The following AKAP13 variants were observed in gnomAD, a reference collection of about 807,000 sequenced individuals.
AKAP13 encodes A-kinase anchoring protein 13.
Under a neutral mutation model 264.5 loss-of-function variants are expected in AKAP13, and 80 were observed. The observed-to-expected ratio is 0.30, with a 90% CI of 0.25 to 0.36. The LOEUF (loss-of-function observed/expected upper bound fraction) is 0.36, where lower values mean the gene tolerates loss of function less well. Ranked by LOEUF, AKAP13 falls within the 10% of genes least tolerant of loss-of-function variation. The pLI is 1.00. For synonymous variants in AKAP13, 1,380 were observed against 1,250.2 expected (o/e 1.10, Z -2.19); for missense variants, 3,712 against 3,435.2 (o/e 1.08, Z -2.01).
chr15:85,507,837 C>T (rs1480765007), intron 2 of AKAP13, among the ~76,000 whole-genome samples: 2 of 152,368 alleles, frequency 1.3e-5, no homozygotes, highest in East Asian at 1.9e-4. Context: ...TCCCACACAT[C>T]AGACTGGTGG....
At chr15:85,509,232 T>G (rs1045003718) in intron 2 of AKAP13, among the ~76,000 whole-genome samples, 1 of 152,226 alleles carries the variant, frequency 6.6e-6, no homozygotes, top group Non-Finnish European at 1.5e-5. Context: ...TGATTCTGAT[T>G]CTGTTTCCCA....
At chr15:85,517,811 T>A (rs2076662958) in intron 2 of AKAP13, among the ~76,000 whole-genome samples, 1 of 152,188 alleles carries the variant, frequency 6.6e-6, no homozygotes, top group Non-Finnish European at 1.5e-5. Flanking sequence ...TTTTGTGTCA[T>A]CTGTCAGCAA....
chr15:85,676,967 C>A, intron 14 of AKAP13: 1 of 985,496 alleles, frequency 1.0e-6, no homozygotes, highest in Non-Finnish European at 1.2e-6. Flanking sequence ...CTGTGAACCT[C>A]CTTCTCAGCT....
intron 5 of AKAP13, among the ~76,000 whole-genome samples, chr15:85,567,773 A>G (rs1344003052): frequency 1.3e-5 from 2 of 152,230 alleles, no homozygotes; most frequent in Admixed American, 6.5e-5. Context: ...AAAGTGATAA[A>G]GAGAAATACT....
At chr15:85,732,524 A>G (rs186177241) in intron 30 of AKAP13, among the ~76,000 whole-genome samples, 98 of 150,164 alleles carry the variant, frequency 6.5e-4, no homozygotes, top group African/African-American at 2.4e-3. Context: ...AAATGTGTAT[A>G]TGAAAATTTA....
At chr15:85,554,217 A>G (rs1410137077) in intron 5 of AKAP13, among the ~76,000 whole-genome samples, 1 of 152,132 alleles carries the variant, frequency 6.6e-6, no homozygotes, top group Non-Finnish European at 1.5e-5. Context: ...AACATCTCTT[A>G]TAGGCCTCAG....
At chr15:85,697,053 T>C (rs1157003365) in intron 17 of AKAP13, among the ~76,000 whole-genome samples, 1 of 152,166 alleles carries the variant, frequency 6.6e-6, no homozygotes, top group East Asian at 1.9e-4. Flanking sequence ...AGAGGTTACA[T>C]GAAATTCCAG....
At position 85,741,592 on chromosome 15, in the gene AKAP13, C is replaced by G. The variant is rs1008904527; in HGVS notation, c.8058+97C>G. ...AAGAAAGTGAGCAGAAATATAGAGC[C>G]TGTTTTTGGCCAGATGCTCATGCCT... is the stretch of plus-strand genomic sequence containing the variant. On this transcript the variant is annotated intron_variant, in intron 35 of 36. Coordinates refer to ENST00000394518, the MANE Select transcript of AKAP13 (RefSeq NM_007200.5). The G allele has an allele frequency of 7.7e-6, 11 of 1,434,960 alleles. No individual in the cohort carries two copies. The African/African-American group carries it at 1.6e-4, about 21-fold the overall frequency. 88.9% of individuals were successfully genotyped at this position (1,434,960 alleles called of 1,614,324 possible).
chr15:85,653,854 A>G (rs945468939), intron 10 of AKAP13, among the ~76,000 whole-genome samples: 1 of 152,148 alleles, frequency 6.6e-6, no homozygotes, highest in African/African-American at 2.4e-5. Context: ...TCTCTTAGAC[A>G]CTTCTTTTGG....
chr15:85,677,473 T>G (rs2084290875), intron 14 of AKAP13, among the ~76,000 whole-genome samples: 1 of 152,206 alleles, frequency 6.6e-6, no homozygotes, highest in African/African-American at 2.4e-5. Context: ...CCTTGTTGTG[T>G]TGTTCTGTCT....
At chr15:85,611,308 ATC>A (rs2080611393) in intron 8 of AKAP13, among the ~76,000 whole-genome samples, 1 of 152,138 alleles carries the variant, frequency 6.6e-6, no homozygotes, top group African/African-American at 2.4e-5. Context: ...CTGCTCAGAT[ATC>A]TCTGAGATAC....
At chr15:85,404,054 T>G (rs977771745) in intron 1 of AKAP13, among the ~76,000 whole-genome samples, 6 of 152,172 alleles carry the variant, frequency 3.9e-5, no homozygotes, top group Admixed American at 3.3e-4. Context: ...TGTGTTAACT[T>G]CTGATACCTT....
intron 1 of AKAP13, among the ~76,000 whole-genome samples, chr15:85,484,272 T>C (rs1459731090): frequency 6.8e-6 from 1 of 146,900 alleles, no homozygotes; most frequent in South Asian, 2.1e-4. Flanking sequence ...GGCTTGAAAT[T>C]GACTTTGTTC....
At chr15:85,647,982 TCTTTA>T (rs767381002) in intron 10 of AKAP13, among the ~76,000 whole-genome samples, 95 of 152,266 alleles carry the variant, frequency 6.2e-4, no homozygotes, top group Admixed American at 1.8e-3. Flanking sequence ...TCTGCCTTTC[TCTTTA>T]CTTAGGAAAA....
intron 8 of AKAP13, among the ~76,000 whole-genome samples, chr15:85,591,227 T>G (rs915110215): frequency 0.017 from 3 of 172 alleles, no homozygotes; most frequent in Admixed American, 0.17. Flanking sequence ...TGTGAATAAT[T>G]TTTCCCATTA....
intron 15 of AKAP13, among the ~76,000 whole-genome samples, chr15:85,683,773 G>A (rs1437867941): frequency 6.6e-6 from 1 of 152,106 alleles, no homozygotes; most frequent in Non-Finnish European, 1.5e-5. Flanking sequence ...TGCCCCAAAT[G>A]CCCAGCATTT....
At chr15:85,528,522 T>C (rs1363270565) in intron 3 of AKAP13, among the ~76,000 whole-genome samples, 1 of 152,234 alleles carries the variant, frequency 6.6e-6, no homozygotes, top group Non-Finnish European at 1.5e-5. Context: ...ACAGCTCTAA[T>C]GTTTTTAACA....
chr15:85,566,169 A>G lies in AKAP13; in HGVS notation c.663-8962A>G, dbSNP rs557673885. 6.6e-5 allele frequency among the ~76,000 whole-genome samples: 10 copies of G among 152,342 alleles called. No individual in the cohort carries two copies. In the South Asian group the frequency reaches 1.7e-3, roughly 25 times the overall value. On this transcript the variant is annotated intron_variant, in intron 5 of 36. Coordinates refer to ENST00000394518, the MANE Select transcript of AKAP13 (RefSeq NM_007200.5). ...TTTATACTCTATTACAGTGTCTTCA[A>G]ATGTTCATCTCAAATCAGGTACATT...
At chr15:85,458,386 G>GTTTTTTTTTTTTTTTTTTTTTTT (rs1160050565) in intron 1 of AKAP13, among the ~76,000 whole-genome samples, 2 of 103,932 alleles carry the variant, frequency 1.9e-5, no homozygotes, top group African/African-American at 1.0e-4. Flanking sequence ...TGTATTTTTT[G>GTTTTTTTTTTTTTTTTTTTTTTT]TTTTTTGTTT....
Sources: gnomAD v4.1 joint callset for allele counts (sites outside exome capture counted in the v4.1 genomes callset) on GRCh38, gnomAD v4.1.1 for gene constraint, MANE v1.5 for transcripts, NCBI Gene and HGNC (gene_info 2026-07-23, HGNC 2026-07-21) for gene names.